Variants in ERBB4 observed in about 807,000 individuals in gnomAD.
The protein encoded by ERBB4 is receptor tyrosine-protein kinase erbB-4.
In ERBB4, 42 loss-of-function variants were observed where a neutral mutation model predicts 158.0. The ratio of observed to expected loss-of-function variants is 0.27; its 90% CI spans 0.21 to 0.34. The LOEUF is 0.34. Ranked by LOEUF, ERBB4 falls within the 10% of genes least tolerant of loss-of-function variation. The pLI, the probability that ERBB4 is intolerant of heterozygous loss-of-function variation, is 1.00. For missense variants in ERBB4, 1,333 were observed against 1,624.1 expected (o/e 0.82, Z 3.08); for synonymous variants, 583 against 558.7 (o/e 1.04, Z -0.61).
chr2:212,303,487 ATT>A (rs2086697461), intron 1 of ERBB4, among the ~76,000 whole-genome samples: 1 of 151,386 alleles, frequency 6.6e-6, no homozygotes, highest in Non-Finnish European at 1.5e-5. Context: ...AACAGACTCT[ATT>A]TATCTAGCAC....
At chr2:211,495,643 T>G (rs530869091) in intron 20 of ERBB4, among the ~76,000 whole-genome samples, 136 of 152,158 alleles carry the variant, frequency 8.9e-4, no homozygotes, top group African/African-American at 3.1e-3. Context: ...TTTTCCTCTC[T>G]ACTAGGCACA....
chr2:211,933,903 G>T (rs903843569), intron 3 of ERBB4, among the ~76,000 whole-genome samples: 17 of 151,824 alleles, frequency 1.1e-4, no homozygotes, highest in African/African-American at 4.1e-4. Flanking sequence ...TGTATTCTTT[G>T]ATGTCTAAGT....
chr2:212,057,642 A>G (rs560044878), intron 2 of ERBB4, among the ~76,000 whole-genome samples: 1 of 152,346 alleles, frequency 6.6e-6, no homozygotes, highest in African/African-American at 2.4e-5. Flanking sequence ...AAAACTGCTC[A>G]ACTACATGGA....
At chr2:212,232,662 C>T (rs1463378503) in intron 1 of ERBB4, among the ~76,000 whole-genome samples, 2 of 152,182 alleles carry the variant, frequency 1.3e-5, no homozygotes, top group East Asian at 3.9e-4. Flanking sequence ...CCTGCCTCGG[C>T]TTCCCAAAGT....
At chr2:211,949,437 G>T (rs559674308) in intron 2 of ERBB4, among the ~76,000 whole-genome samples, 1 of 152,230 alleles carries the variant, frequency 6.6e-6, no homozygotes, top group East Asian at 1.9e-4. Context: ...TAGATGTGCT[G>T]TAAGTACAAA....
At chr2:211,590,211 C>T (rs554518588) in intron 19 of ERBB4, among the ~76,000 whole-genome samples, 1 of 152,314 alleles carries the variant, frequency 6.6e-6, no homozygotes, top group Admixed American at 6.5e-5. Context: ...TGCCTCTAAC[C>T]TCCAAGCTGT....
rs529045936 is a variant in ERBB4 at position 211,537,429 on chromosome 2, T to C, written c.2487+24474A>G. Among the ~76,000 whole-genome samples the C allele has an allele frequency of 7.7e-4, 117 of 152,088 alleles. 1 individual carries two copies. The highest frequency in any genetic ancestry group is 2.8e-3 in the African/African-American group (116 of 41,546). ...ATCTTAAAATCATTTAGTTTGGCAA[T>C]GAGAGAGGTAGGAATATAAGAGAAT... On this transcript the variant is annotated intron_variant, in intron 20 of 27. Coordinates refer to ENST00000342788, the MANE Select transcript of ERBB4 (RefSeq NM_005235.3).
intron 1 of ERBB4, among the ~76,000 whole-genome samples, chr2:212,512,359 C>T (rs1326141434): frequency 2.1e-5 from 3 of 139,974 alleles, no homozygotes; most frequent in Admixed American, 7.0e-5. Context: ...TATATATATA[C>T]ACAAAAAAAA....
intron 2 of ERBB4, among the ~76,000 whole-genome samples, chr2:212,043,093 C>T (rs2077178085): frequency 6.6e-6 from 1 of 152,066 alleles, no homozygotes; most frequent in African/African-American, 2.4e-5. Context: ...CATCACAAAG[C>T]CATTTAGGAC....
chr2:211,749,827 A>G (rs1185235443), intron 5 of ERBB4, among the ~76,000 whole-genome samples: 1 of 152,212 alleles, frequency 6.6e-6, no homozygotes, highest in African/African-American at 2.4e-5. Flanking sequence ...ACAAAGAAAT[A>G]TATTTCAACT....
At chr2:211,868,646 T>A (rs867686716) in intron 3 of ERBB4, among the ~76,000 whole-genome samples, 10 of 152,204 alleles carry the variant, frequency 6.6e-5, no homozygotes, top group African/African-American at 1.7e-4. Context: ...GGGTTGTTCT[T>A]TGATCAAAGG....
chr2:211,418,188 C>CTTAAAATGGTAGTAAT (rs201941422), intron 25 of ERBB4, among the ~76,000 whole-genome samples: 3,400 of 151,672 alleles, frequency 0.022, 67 homozygotes, highest in South Asian at 0.054. Context: ...AGCCACCAAA[C>CTTAAAATGGTAGTAAT]TTAAAATGGT....
intron 3 of ERBB4, among the ~76,000 whole-genome samples, chr2:211,817,191 C>A (rs1224380686): frequency 1.3e-5 from 2 of 152,182 alleles, no homozygotes; most frequent in East Asian, 3.8e-4. Flanking sequence ...AAGACCTGGG[C>A]TGGCCTAGCA....
rs1559105849 is a variant in ERBB4 at position 211,378,266 on chromosome 2, A to AC, written c.*5348dup. 3 of 232,698 alleles carry AC rather than the reference A, an allele frequency of 1.3e-5. No homozygotes were observed. Among genetic ancestry groups the AC allele is most frequent in the African/African-American group, 2.2e-5 (1 of 45,272 alleles). The allele number at this position is 232,698 out of a possible 1,614,324, so 14.4% of individuals were successfully genotyped here. ...TATTTTCCAGAGGAAGCATGTGAATACCCCCCGTGAAATTGGGGCTTAGAG... is the reference window on the plus strand; with the variant it reads ...TATTTTCCAGAGGAAGCATGTGAATACCCCCCCGTGAAATTGGGGCTTAGAG... On this transcript the variant is annotated 3_prime_UTR_variant, in exon 28 of 28. Coordinates refer to ENST00000342788, the MANE Select transcript of ERBB4 (RefSeq NM_005235.3).
At chr2:212,459,344 T>G (rs948666525) in intron 1 of ERBB4, among the ~76,000 whole-genome samples, 2 of 146,936 alleles carry the variant, frequency 1.4e-5, no homozygotes, top group Non-Finnish European at 3.0e-5. Context: ...TAATTTACAC[T>G]AGCCACACTA....
chr2:211,499,681 T>A (rs1293964735), intron 20 of ERBB4, among the ~76,000 whole-genome samples: 1 of 152,098 alleles, frequency 6.6e-6, no homozygotes, highest in African/African-American at 2.4e-5. Context: ...ATCACCAAAA[T>A]GTGTAAGTGT....
chr2:211,857,892 C>T (rs35096020), intron 3 of ERBB4, among the ~76,000 whole-genome samples: 31,506 of 151,910 alleles, frequency 0.21, 3,354 homozygotes, highest in South Asian at 0.32. Context: ...GTGAAGCACA[C>T]GGGTAAGGAT....
intron 20 of ERBB4, among the ~76,000 whole-genome samples, chr2:211,509,504 A>G (rs1205604071): frequency 1.3e-5 from 2 of 152,108 alleles, no homozygotes; most frequent in Non-Finnish European, 2.9e-5. Flanking sequence ...TAGCAAAAAA[A>G]TCTAGGAAAT....
intron 20 of ERBB4, among the ~76,000 whole-genome samples, chr2:211,549,101 T>C (rs2067015024): frequency 6.6e-6 from 1 of 152,104 alleles, no homozygotes; most frequent in Non-Finnish European, 1.5e-5. Context: ...CAATTGACGT[T>C]TTGTGCTTGC....
Sources: gnomAD v4.1 joint callset for allele counts (sites outside exome capture counted in the v4.1 genomes callset) on GRCh38, gnomAD v4.1.1 for gene constraint, MANE v1.5 for transcripts, NCBI Gene and HGNC (gene_info 2026-07-23, HGNC 2026-07-21) for gene names.